USP31: variants seen among roughly 807,000 people sequenced by gnomAD.
USP31 encodes the protein ubiquitin specific peptidase 31, also known as ubiquitin carboxyl-terminal hydrolase 31.
USP31 carries 44 observed loss-of-function variants against 119.4 expected under a neutral mutation model. That is an observed-to-expected ratio of 0.37 (90% CI 0.29 to 0.47). The LOEUF (loss-of-function observed/expected upper bound fraction) is 0.47, where lower values mean the gene tolerates loss of function less well. Among genes scored for constraint, USP31 ranks in the 20% least tolerant of loss-of-function variants. USP31 has a pLI of 0.99. For missense variants in USP31, 1,643 were observed against 1,730.2 expected (o/e 0.95, Z 0.89); for synonymous variants, 749 against 705.6 (o/e 1.06, Z -0.97).
At chr16:23,072,365 T>C in intron 14 of USP31, 168 bp from the exon 15 acceptor site, 1 of 848,568 alleles carries the variant, frequency 1.2e-6, no homozygotes. Context: ...CCTGTCCGAA[T>C]ATCCCCAGTT....
chr16:23,069,265 C>T lies in USP31; in HGVS notation c.2840G>A (p.Gly947Asp), dbSNP rs755611438. Residue 947 changes from glycine (G) to aspartate (D), a missense_variant, in exon 16 of 16, where the codon GGC (glycine) becomes GAC (aspartate). Around this residue, in one of 5 missense-constraint regions of USP31, gnomAD observed 699 missense variants for 650.9 expected, o/e 1.07. Transcript: ENST00000219689. ...VGRAPLAVMEGVFKDESDTRR... is the reference protein window; with the variant it reads ...VGRAPLAVMEDVFKDESDTRR... ...GGTGTCCGATTCGTCTTTGAACACG[C>T]CTTCCATGACAGCCAGAGGGGCCCG... The T allele has an allele frequency of 2.5e-6, 4 of 1,613,344 alleles. No homozygotes were observed. Among genetic ancestry groups the T allele is most frequent in the Non-Finnish European group, 2.5e-6 (3 of 1,179,614 alleles).
intron 3 of USP31, 42 bp downstream of exon 3, chr16:23,106,357 T>A: frequency 6.2e-7 from 1 of 1,613,430 alleles, no homozygotes; most frequent in South Asian, 1.1e-5. Context: ...CAGAACGATG[T>A]CAGGTAAACA....
rs548659059 is a variant in USP31 at position 23,115,020 on chromosome 16, G to A, written c.634-6837C>T. On this transcript the variant is annotated intron_variant, in intron 1 of 15. Transcript: ENST00000219689. ...GTCAAGAATCCTAAGCTCAAGCTCCGGCTCTGCCACAAACCACTGGTTATC... is the reference window on the plus strand; with the variant it reads ...GTCAAGAATCCTAAGCTCAAGCTCCAGCTCTGCCACAAACCACTGGTTATC... Among the ~76,000 whole-genome samples the A allele has an allele frequency of 1.0e-4, 15 of 147,642 alleles. No homozygotes were observed. The East Asian group carries it at 2.7e-3, about 27-fold the overall frequency.
At chr16:23,086,649 G>A (rs1041992018) in intron 9 of USP31, among the ~76,000 whole-genome samples, 2 of 152,148 alleles carry the variant, frequency 1.3e-5, no homozygotes, top group Non-Finnish European at 2.9e-5. Context: ...CTGAAAGGTT[G>A]GGATAGTGGG....
chr16:23,136,226 A>G (rs535187287), intron 1 of USP31, among the ~76,000 whole-genome samples: 1 of 152,370 alleles, frequency 6.6e-6, no homozygotes, highest in Admixed American at 6.5e-5. Flanking sequence ...AAACCTAAAC[A>G]TAAGAACTAA....
In USP31 at chr16:23,062,368, G is replaced by A. The variant is rs1370937016; in HGVS notation, c.*5678C>T. 7.3e-6 allele frequency: 1 copy of A among 137,520 alleles called. No homozygotes were observed. Among genetic ancestry groups the A allele is most frequent in the Non-Finnish European group, 1.6e-5 (1 of 61,216 alleles). 8.5% of individuals were successfully genotyped at this position (137,520 alleles called of 1,614,324 possible). On this transcript the variant is annotated 3_prime_UTR_variant, in exon 16 of 16. Transcript: ENST00000219689. Reference sequence around the variant, plus strand: ...AAAAACACGAAAAAATAGCAATAAGGGTTTTTTTTTTTTAAAAAAAAGACA... The same window carrying A: ...AAAAACACGAAAAAATAGCAATAAGAGTTTTTTTTTTTTAAAAAAAAGACA...
intron 1 of USP31, among the ~76,000 whole-genome samples, chr16:23,124,450 C>T (rs951366704): frequency 1.3e-5 from 2 of 152,208 alleles, no homozygotes; most frequent in Admixed American, 6.5e-5. Context: ...TGTTATTCAA[C>T]GACGATACAA....
chr16:23,064,009 G>C lies in USP31; in HGVS notation c.*4037C>G, dbSNP rs1304780443. 1.3e-5 allele frequency: 2 copies of C among 152,576 alleles called. No homozygotes were observed. The highest frequency in any genetic ancestry group is 3.2e-3 in the Middle Eastern group (1 of 316). The allele number at this position is 152,576 out of a possible 1,614,324, so 9.5% of individuals were successfully genotyped here. On this transcript the variant is annotated 3_prime_UTR_variant, in exon 16 of 16. Transcript: ENST00000219689. The stretch of plus-strand genomic sequence containing the variant: ...TACCCTTTATGAAATGAAAGTTAAA[G>C]ACAGCCTGCACAGTAACAGCTACTT...
intron 1 of USP31, among the ~76,000 whole-genome samples, chr16:23,124,916 T>C (rs554565466): frequency 1.3e-5 from 2 of 152,040 alleles, no homozygotes; most frequent in Middle Eastern, 3.4e-3. Context: ...AAAAAAACCC[T>C]AGAGTATCTA....
chr16:23,089,784 GATTTCTGACTCCCAA>G (rs1210276709), intron 7 of USP31, among the ~76,000 whole-genome samples: 1 of 152,166 alleles, frequency 6.6e-6, no homozygotes, highest in African/African-American at 2.4e-5. Context: ...ATTTGAGAGA[GATTTCTGACTCCCAA>G]ATTTCTGACT....
intron 2 of USP31, 32 bp from the exon 3 acceptor site, chr16:23,106,519 C>T (rs776613202): frequency 1.3e-6 from 2 of 1,561,328 alleles, no homozygotes; most frequent in Non-Finnish European, 1.7e-6. Flanking sequence ...ACTTCACAGA[C>T]TAGAAAGACC....
intron 6 of USP31, among the ~76,000 whole-genome samples, chr16:23,099,727 A>T (rs970769351): frequency 6.6e-6 from 1 of 152,208 alleles, no homozygotes; most frequent in African/African-American, 2.4e-5. Flanking sequence ...AAAGGACATT[A>T]TCAGGTAGTT....
In USP31 at chr16:23,067,917, A is replaced by T; in HGVS notation, c.*129T>A. ...TAGACACACACACGCATACACTCAC[A>T]CACACACACACAGTCGGGCACGTGA... On this transcript the variant is annotated 3_prime_UTR_variant, in exon 16 of 16. Transcript: ENST00000219689. The T allele has an allele frequency of 1.7e-6, 2 of 1,190,278 alleles. No individual in the cohort carries two copies. The highest frequency in any genetic ancestry group is 1.5e-5 in the African/African-American group (1 of 64,706). 73.7% of individuals were successfully genotyped at this position (1,190,278 alleles called of 1,614,324 possible). A position where few individuals can be genotyped will look rare whatever the true frequency, so the allele number is the denominator to read the frequency against.
chr16:23,112,341 G>C (rs542034756), intron 1 of USP31, among the ~76,000 whole-genome samples: 1 of 152,284 alleles, frequency 6.6e-6, no homozygotes, highest in Non-Finnish European at 1.5e-5. Flanking sequence ...CACTTAGGGA[G>C]GCTGAGACAG....
chr16:23,093,602 C>A (rs535529899), intron 6 of USP31, among the ~76,000 whole-genome samples: 9 of 152,284 alleles, frequency 5.9e-5, no homozygotes, highest in African/African-American at 2.2e-4. Context: ...TGATCCAGCT[C>A]CTGTGGAAAA....
Position 23,140,666 on chromosome 16 carries a change from TTTATC to T in USP31, c.633+7967_633+7971del, listed in dbSNP as rs555581820. On this transcript the variant is annotated intron_variant, in intron 1 of 15. Coordinates refer to ENST00000219689, the MANE Select transcript of USP31 (RefSeq NM_020718.4). ...ATCCAGTGGTGACGCCTCCAAAATG[TTTATC>T]TTATCTTCTGAGTTCCTTACCCAGC... is the stretch of plus-strand genomic sequence containing the variant. 1.5e-3 allele frequency among the ~76,000 whole-genome samples: 231 copies of T among 152,210 alleles called. 1 individual carries two copies. The highest frequency in any genetic ancestry group is 5.3e-3 in the African/African-American group (220 of 41,522).
Position 23,069,614 on chromosome 16 carries a change from C to A in USP31, c.2491G>T (p.Gly831Cys). Residue 831 changes from glycine to cysteine, a missense_variant and splice_region_variant, in exon 16 of 16, where the codon GGC becomes TGC. Coordinates refer to ENST00000219689, the MANE Select transcript of USP31 (RefSeq NM_020718.4). ...MTGERSEDDG[G>C]FSTRPFVRSV... ...CTCACAAATGGTCGAGTTGAAAAGC[C>A]TCCTGAACACAGTAAAGAGAATACT... 4 of 1,602,728 alleles carry A rather than the reference C, an allele frequency of 2.5e-6. No individual in the cohort carries two copies. Among genetic ancestry groups the A allele is most frequent in the Non-Finnish European group, 3.4e-6 (4 of 1,172,246 alleles).
intron 6 of USP31, among the ~76,000 whole-genome samples, chr16:23,100,847 A>G (rs767461778): frequency 6.6e-6 from 1 of 152,190 alleles, no homozygotes; most frequent in African/African-American, 2.4e-5. Flanking sequence ...GCTAACGAGA[A>G]TAGAAGCTGG....
chr16:23,088,168 A>C (rs972912346), intron 7 of USP31, among the ~76,000 whole-genome samples: 10 of 152,150 alleles, frequency 6.6e-5, no homozygotes, highest in African/African-American at 2.2e-4. Context: ...GGTCGAACTC[A>C]TAAGAGGTTG....
Sources: gnomAD v4.1 joint callset for allele counts (sites outside exome capture counted in the v4.1 genomes callset) on GRCh38, gnomAD v4.1.1 for gene constraint, gnomAD v4.1.1 regional missense constraint, MANE v1.5 for transcripts, NCBI Gene and HGNC (gene_info 2026-07-23, HGNC 2026-07-21) for gene names.